PDE1A: variants seen among roughly 807,000 people sequenced by gnomAD.
PDE1A encodes the protein phosphodiesterase 1A.
A neutral mutation model predicts 61.7 loss-of-function variants in PDE1A; 35 were observed. That is an observed-to-expected ratio of 0.57 (90% CI 0.43 to 0.75). The LOEUF (loss-of-function observed/expected upper bound fraction) is 0.75. Among genes scored for constraint, PDE1A ranks in the 30% least tolerant of loss-of-function variants. The pLI is 0.00. For missense variants in PDE1A, 597 were observed against 630.6 expected (o/e 0.95, Z 0.57); for synonymous variants, 232 against 213.2 (o/e 1.09, Z -0.77).
At chr2:182,594,923 T>C in the PDE1A span, among the ~76,000 whole-genome samples, 3 of 152,330 alleles carry the variant, frequency 2.0e-5, no homozygotes, top group Non-Finnish European at 4.4e-5. Flanking sequence ...TTCAATGGAA[T>C]GGCAGTACGG....
the PDE1A span, among the ~76,000 whole-genome samples, chr2:182,626,138 C>T: frequency 1.3e-5 from 2 of 152,130 alleles, no homozygotes; most frequent in Non-Finnish European, 2.9e-5. Context: ...GAAAATGAGA[C>T]TGTAGCTTGA....
the PDE1A span, among the ~76,000 whole-genome samples, chr2:182,685,769 A>C: frequency 6.6e-6 from 1 of 152,150 alleles, no homozygotes; most frequent in African/African-American, 2.4e-5. Flanking sequence ...AAACTGATCA[A>C]AGTGCTTTTG....
intron 1 of PDE1A, among the ~76,000 whole-genome samples, chr2:182,276,771 T>C (rs1693444206): frequency 6.6e-6 from 1 of 152,040 alleles, no homozygotes; most frequent in East Asian, 1.9e-4. Flanking sequence ...TGAATTCTTT[T>C]CCTAGCAAGG....
At chr2:182,189,960 T>G (rs769446360) in intron 10 of PDE1A, among the ~76,000 whole-genome samples, 93 of 152,266 alleles carry the variant, frequency 6.1e-4, no homozygotes, top group Non-Finnish European at 1.1e-3. Context: ...TATACCTTCA[T>G]GAGCAACACC....
Position 182,512,577 on chromosome 2 carries a change from C to A in PDE1A, c.101+9699G>T, listed in dbSNP as rs112805532. The stretch of plus-strand genomic sequence containing the variant: ...ACCTCCAAATGACCATAACAGCTAC[C>A]CAGCAATGTTTTTTTACCAGACGAA... On this transcript the variant is annotated intron_variant, in intron 2 of 14. Transcript: ENST00000410103. Among the ~76,000 whole-genome samples, 87 of 152,232 alleles carry A rather than the reference C, an allele frequency of 5.7e-4. 1 individual carries two copies. Among genetic ancestry groups the A allele is most frequent in the African/African-American group, 2.0e-3 (84 of 41,536 alleles).
At chr2:182,434,095 T>C (rs1410237643) in intron 2 of PDE1A, among the ~76,000 whole-genome samples, 1 of 152,116 alleles carries the variant, frequency 6.6e-6, no homozygotes, top group Non-Finnish European at 1.5e-5. Context: ...AAATCCATTC[T>C]GCAGGATACA....
intron 2 of PDE1A, among the ~76,000 whole-genome samples, chr2:182,521,459 T>C (rs1690563372): frequency 6.6e-6 from 1 of 152,078 alleles, no homozygotes; most frequent in Non-Finnish European, 1.5e-5. Flanking sequence ...TTTATCCAAA[T>C]GTTAAATCTG....
chr2:182,621,709 T>C, the PDE1A span, among the ~76,000 whole-genome samples: 1 of 152,146 alleles, frequency 6.6e-6, no homozygotes, highest in Non-Finnish European at 1.5e-5. Flanking sequence ...TATAGCAAAA[T>C]GTTTATTGTT....
chr2:182,489,088 A>T (rs987205797), intron 2 of PDE1A, among the ~76,000 whole-genome samples: 1 of 152,204 alleles, frequency 6.6e-6, no homozygotes. Flanking sequence ...GTGGTCAAAG[A>T]GAGCTTTTCT....
intron 2 of PDE1A, among the ~76,000 whole-genome samples, chr2:182,496,222 T>G (rs545968807): frequency 6.6e-6 from 1 of 152,266 alleles, no homozygotes; most frequent in South Asian, 2.1e-4. Flanking sequence ...TAAACTAGGC[T>G]ACAAAATATT....
intron 2 of PDE1A, among the ~76,000 whole-genome samples, chr2:182,508,194 G>A (rs981712468): frequency 1.3e-5 from 2 of 150,424 alleles, no homozygotes; most frequent in Non-Finnish European, 3.0e-5. Flanking sequence ...ATTCTTTTAT[G>A]ATTTAAAATT....
At chr2:182,360,629 ATTC>A (rs1372349234) in intron 1 of PDE1A, among the ~76,000 whole-genome samples, 1 of 151,388 alleles carries the variant, frequency 6.6e-6, no homozygotes, top group African/African-American at 2.4e-5. Context: ...CTGCAAAAAT[ATTC>A]TTATTTTAAT....
At chr2:182,547,442 A>G in the PDE1A span, among the ~76,000 whole-genome samples, 1 of 152,236 alleles carries the variant, frequency 6.6e-6, no homozygotes, top group African/African-American at 2.4e-5. Flanking sequence ...TGAGCATAAG[A>G]TATTTTCTTG....
chr2:182,187,994 C>T (rs926294756), intron 11 of PDE1A, among the ~76,000 whole-genome samples: 4 of 152,092 alleles, frequency 2.6e-5, no homozygotes, highest in African/African-American at 7.2e-5. Context: ...CTACCTGCCT[C>T]GGCCTCCCAA....
intron 1 of PDE1A, among the ~76,000 whole-genome samples, chr2:182,331,052 G>A (rs1239531011): frequency 6.6e-6 from 1 of 152,088 alleles, no homozygotes; most frequent in Non-Finnish European, 1.5e-5. Context: ...TCTCCACCAA[G>A]GGGGCTGTGA....
At chr2:182,356,412 A>T (rs1462860137) in intron 1 of PDE1A, among the ~76,000 whole-genome samples, 1 of 152,178 alleles carries the variant, frequency 6.6e-6, no homozygotes, top group Non-Finnish European at 1.5e-5. Context: ...TATTAATGTC[A>T]ATTAGTAATT....
intron 2 of PDE1A, among the ~76,000 whole-genome samples, chr2:182,519,414 T>C (rs1170775225): frequency 1.3e-5 from 2 of 151,872 alleles, no homozygotes; most frequent in Non-Finnish European, 2.9e-5. Flanking sequence ...TGGTTGAATA[T>C]GGAAAAAGAT....
intron 1 of PDE1A, among the ~76,000 whole-genome samples, chr2:182,345,086 AG>A (rs1698440688): frequency 6.6e-6 from 1 of 152,200 alleles, no homozygotes; most frequent in Non-Finnish European, 1.5e-5. Context: ...GTCTTTATTT[AG>A]GCTTTATTTG....
At chr2:182,714,351 T>G in the PDE1A span, among the ~76,000 whole-genome samples, 1 of 152,178 alleles carries the variant, frequency 6.6e-6, no homozygotes, top group Non-Finnish European at 1.5e-5. Flanking sequence ...TTTTCTCCTA[T>G]TTTTTCTCCA....
Sources: gnomAD v4.1 joint callset for allele counts (sites outside exome capture counted in the v4.1 genomes callset) on GRCh38, gnomAD v4.1.1 for gene constraint, MANE v1.5 for transcripts, NCBI Gene and HGNC (gene_info 2026-07-23, HGNC 2026-07-21) for gene names.